The following IQGAP2 variants were observed in gnomAD, a reference collection of about 807,000 sequenced individuals.
The protein encoded by IQGAP2 is IQ motif containing GTPase activating protein 2.
In IQGAP2, 173 loss-of-function variants were observed where a neutral mutation model predicts 201.3. The observed-to-expected ratio is 0.86, with a 90% CI of 0.76 to 0.98. The LOEUF (loss-of-function observed/expected upper bound fraction) is 0.98, where lower values mean the gene tolerates loss of function less well. Among genes scored for constraint, IQGAP2 ranks in the 50% least tolerant of loss-of-function variants. The pLI is 0.00. For synonymous variants in IQGAP2, 675 were observed against 673.9 expected (o/e 1.00, Z -0.03); for missense variants, 1,687 against 1,864.8 (o/e 0.90, Z 1.76).
At chr5:76,637,000 G>A in intron 15 of IQGAP2, 34 bp from the exon 16 acceptor site, 2 of 1,539,646 alleles carry the variant, frequency 1.3e-6, no homozygotes, top group Non-Finnish European at 1.8e-6. Flanking sequence ...GGTTCACTGT[G>A]TCTGTGTAGA....
In IQGAP2 at chr5:76,403,879, A is replaced by T. The variant is rs965685392; in HGVS notation, c.46+288A>T. Among the ~76,000 whole-genome samples, 7 of 152,140 alleles carry T rather than the reference A, an allele frequency of 4.6e-5. No individual in the cohort carries two copies. Among genetic ancestry groups the T allele is most frequent in the African/African-American group, 1.7e-4 (7 of 41,434 alleles). The stretch of plus-strand genomic sequence containing the variant: ...CGGGGATTGCGCTCTGGGACAGACC[A>T]GGTTGGGATTTTAGGGGTATCAGGT... On this transcript the variant is annotated intron_variant, in intron 1 of 35. Coordinates refer to ENST00000274364, the MANE Select transcript of IQGAP2 (RefSeq NM_006633.5). The surrounding 1 kb of genome is among the most constrained non-coding windows in gnomAD (Gnocchi z 4.8).
intron 2 of IQGAP2, among the ~76,000 whole-genome samples, chr5:76,509,934 T>G (rs544313007): frequency 6.6e-6 from 1 of 152,068 alleles, no homozygotes; most frequent in Admixed American, 6.6e-5. Context: ...GAAACAATAT[T>G]TAGAGAGCTC....
chr5:76,694,593 A>C (rs1350867273), intron 31 of IQGAP2, among the ~76,000 whole-genome samples: 1 of 152,202 alleles, frequency 6.6e-6, no homozygotes. Context: ...AGTCAATTAA[A>C]CATGTTAAGT....
At position 76,695,502 on chromosome 5, in the gene IQGAP2, A is replaced by G; in HGVS notation, c.4042A>G (p.Arg1348Gly). The G allele has an allele frequency of 6.2e-7, 1 of 1,614,210 alleles. No individual in the cohort carries two copies. The highest frequency in any genetic ancestry group is 8.5e-7 in the Non-Finnish European group (1 of 1,180,020). ...DMVSRAMIDSRTPEEMKHSQS... is the reference protein window; with the variant it reads ...DMVSRAMIDSGTPEEMKHSQS... ...GGTGAGCCGTGCAATGATAGATTCC[A>G]GGACTCCAGAAGAAATGAAGCATAG... The change falls in exon 32 of 36, where the codon AGG (arginine) becomes GGG (glycine). Residue 1348 changes from arginine (R) to glycine (G), a missense_variant. Physicochemically the swap from Arg to Gly is moderately radical, Grantham distance 125. Transcript: ENST00000274364.
Position 76,621,874 on chromosome 5 carries a change from A to C in IQGAP2, c.1522-5536A>C, listed in dbSNP as rs144792318. Among the ~76,000 whole-genome samples, 410 of 152,318 alleles carry C rather than the reference A, an allele frequency of 2.7e-3. 3 individuals are homozygous for C. The highest frequency in any genetic ancestry group is 4.4e-3 in the Non-Finnish European group (302 of 68,018). ...ATCCGGGAAAAGGCCTTGAAGAACT[A>C]ATCCAAAGAGAATGAACTCCGGCCT... On this transcript the variant is annotated intron_variant, in intron 13 of 35. Coordinates refer to ENST00000274364, the MANE Select transcript of IQGAP2 (RefSeq NM_006633.5).
Position 76,403,508 on chromosome 5 carries a change from G to A in IQGAP2, c.-38G>A. On this transcript the variant is annotated 5_prime_UTR_variant, in exon 1 of 36. Transcript: ENST00000274364. The surrounding 1 kb of genome is among the most constrained non-coding windows in gnomAD (Gnocchi z 4.8). ...AGCCTGGCCAGCGAGGGTAGCCGCG[G>A]GGGGCGCGCCCCGGGCGGGCCCCCG... The A allele has an allele frequency of 2.1e-6, 3 of 1,441,820 alleles. No homozygotes were observed. Among genetic ancestry groups the A allele is most frequent in the Non-Finnish European group, 2.7e-6 (3 of 1,104,112 alleles). 89.3% of individuals were successfully genotyped at this position (1,441,820 alleles called of 1,614,324 possible).
At chr5:76,574,307 G>A (rs1005824968) in intron 4 of IQGAP2, among the ~76,000 whole-genome samples, 5 of 152,180 alleles carry the variant, frequency 3.3e-5, no homozygotes, top group South Asian at 2.1e-4. Flanking sequence ...TTGTTTGTTC[G>A]TTTGTTTTGT....
chr5:76,697,102 A>G (rs566968867), intron 32 of IQGAP2, among the ~76,000 whole-genome samples: 2 of 152,254 alleles, frequency 1.3e-5, no homozygotes, highest in Non-Finnish European at 2.9e-5. Flanking sequence ...GTTTAAATTT[A>G]GCATAGCTCT....
chr5:76,693,510 T>C, intron 31 of IQGAP2, 68 bp downstream of exon 31: 1 of 1,008,300 alleles, frequency 9.9e-7, no homozygotes, highest in African/African-American at 1.6e-5. Context: ...CTTTATGCCA[T>C]ATGTTTATTA....
chr5:76,663,286 T>C (rs1282710932), intron 21 of IQGAP2, among the ~76,000 whole-genome samples: 1 of 152,226 alleles, frequency 6.6e-6, no homozygotes. Context: ...CTGCCCATAG[T>C]GCCCCTCTAA....
chr5:76,441,521 G>A lies in IQGAP2; in HGVS notation c.47-20049G>A, dbSNP rs541777635. On this transcript the variant is annotated intron_variant, in intron 1 of 35. Coordinates refer to ENST00000274364, the MANE Select transcript of IQGAP2 (RefSeq NM_006633.5). ...TGGAAGAAAGCGAGCATGTTGGTAA[G>A]AGAAGGTACAACTGTAATAATGCTA... 6 of 985,342 alleles carry A rather than the reference G, an allele frequency of 6.1e-6. No homozygotes were observed. The South Asian group carries it at 2.8e-4, about 46-fold the overall frequency. The allele number at this position is 985,342 out of a possible 1,614,324, so 61.0% of individuals were successfully genotyped here. A position where few individuals can be genotyped will look rare whatever the true frequency, so the allele number is the denominator to read the frequency against.
intron 30 of IQGAP2, 116 bp from the exon 31 acceptor site, chr5:76,693,239 G>A: frequency 1.6e-6 from 1 of 618,904 alleles, no homozygotes. Context: ...TTTATTTTAA[G>A]GTATTATCTT....
chr5:76,617,592 AG>A (rs762124428), intron 13 of IQGAP2: 4 of 1,606,988 alleles, frequency 2.5e-6, no homozygotes, highest in Non-Finnish European at 3.4e-6. Flanking sequence ...CTATTTTGTA[AG>A]GTAAGCAGTG....
Position 76,597,563 on chromosome 5 carries a change from T to TCAGAACGAACTTTTCAACCTC in IQGAP2, c.1038_1058dup (p.Asn346_Gln352dup). The TCAGAACGAACTTTTCAACCTC allele has an allele frequency of 1.9e-6, 3 of 1,613,742 alleles. No homozygotes were observed. Among genetic ancestry groups the TCAGAACGAACTTTTCAACCTC allele is most frequent in the Non-Finnish European group, 2.5e-6 (3 of 1,179,928 alleles). On this transcript the variant is annotated inframe_insertion, in exon 10 of 36. Transcript: ENST00000274364. ...TTTATCCCTTTGCTGCTGCCATGTA[T>TCAGAACGAACTTTTCAACCTC]CAGAACGAACTTTTCAACCTCCAGA...
At position 76,637,020 on chromosome 5, in the gene IQGAP2, A is replaced by G. The variant is rs372496678; in HGVS notation, c.1781-14A>G. 23 of 1,585,188 alleles carry G rather than the reference A, an allele frequency of 1.5e-5. No homozygotes were observed. The highest frequency in any genetic ancestry group is 1.8e-5 in the Non-Finnish European group (21 of 1,167,640). On this transcript the variant is annotated splice_polypyrimidine_tract_variant and intron_variant, in intron 15 of 35. Transcript: ENST00000274364. The stretch of plus-strand genomic sequence containing the variant: ...ACTGTGTCTGTGTAGAATTTAACAA[A>G]CTTTTTTCTTTAGTGTCTAGTGACG...
intron 5 of IQGAP2, among the ~76,000 whole-genome samples, chr5:76,586,144 A>G (rs1746229923): frequency 6.6e-6 from 1 of 152,178 alleles, no homozygotes; most frequent in Admixed American, 6.5e-5. Flanking sequence ...TGTAAAGTAA[A>G]CAGTTTTATA....
At position 76,611,180 on chromosome 5, in the gene IQGAP2, C is replaced by T. The variant is rs550357034; in HGVS notation, c.1518C>T (p.Leu506=). ...TATACCATGCTAAATCACAGAAACT[C>T]GGAGTAAGTTTTAGTATATCTGTTT... ...DVLYHAKSQK[L]GDSESVSKVL... Residue 506 remains leucine, a synonymous_variant, in exon 13 of 36, where the codon CTC becomes CTT. Coordinates refer to ENST00000274364, the MANE Select transcript of IQGAP2 (RefSeq NM_006633.5). 2.4e-5 allele frequency: 39 copies of T among 1,606,878 alleles called. No individual in the cohort carries two copies. Among genetic ancestry groups the T allele is most frequent in the South Asian group, 1.8e-4 (16 of 89,478 alleles).
At chr5:76,639,587 CTGA>C in intron 16 of IQGAP2, among the ~76,000 whole-genome samples, 1 of 152,226 alleles carries the variant, frequency 6.6e-6, no homozygotes, top group Admixed American at 6.5e-5. Context: ...AGAGGAAATA[CTGA>C]TGATAATTAA....
intron 9 of IQGAP2, among the ~76,000 whole-genome samples, chr5:76,593,550 G>T (rs980816493): frequency 1.3e-5 from 2 of 152,164 alleles, no homozygotes; most frequent in Admixed American, 6.5e-5. Flanking sequence ...TAAAATAAGC[G>T]TATGCAGGTT....
Sources: allele counts gnomAD v4.1 joint callset (sites outside exome capture counted in the v4.1 genomes callset), GRCh38; gene constraint gnomAD v4.1.1; non-coding constraint Gnocchi (gnomAD v3.1); transcripts MANE v1.5; gene names NCBI Gene and HGNC (gene_info 2026-07-23, HGNC 2026-07-21).